SLIT2: variants seen among roughly 807,000 people sequenced by gnomAD.
SLIT2 encodes slit guidance ligand 2, also known as slit homolog 2 protein.
In SLIT2, 41 loss-of-function variants were observed where a neutral mutation model predicts 185.7. That is an observed-to-expected ratio of 0.22 (90% CI 0.17 to 0.29). The LOEUF (loss-of-function observed/expected upper bound fraction) is 0.29. SLIT2 is among the 10% of genes least tolerant of loss of function. The pLI, the probability that SLIT2 is intolerant of heterozygous loss-of-function variation, is 1.00. For synonymous variants in SLIT2, 693 were observed against 680.2 expected, an observed-to-expected ratio of 1.02 and a Z score of -0.29; for missense variants, 1,571 against 1,909.0, an observed-to-expected ratio of 0.82 and a Z score of 3.30.
chr4:20,257,405 C>G (rs1183387154), intron 2 of SLIT2, among the ~76,000 whole-genome samples: 1 of 151,968 alleles, frequency 6.6e-6, no homozygotes, highest in Non-Finnish European at 1.5e-5. Context: ...ACAGTTTTGA[C>G]CATTGTGCAT....
rs753550494 is a variant in SLIT2, at chr4:20,620,198, T to C, written c.*1189T>C. On this transcript the variant is annotated 3_prime_UTR_variant, in exon 37 of 37. Coordinates refer to ENST00000504154, the MANE Select transcript of SLIT2 (RefSeq NM_004787.4). ...AAAGTAGACCTTTTGCAAATTAATA[T>C]GTCCTTGACCTTTTTTGCCCTTTTG... The C allele has an allele frequency of 7.8e-4, 237 of 303,498 alleles. 2 individuals carry two copies. The highest frequency in any genetic ancestry group is 1.3e-3 in the Non-Finnish European group (211 of 156,766). 18.8% of individuals were successfully genotyped at this position (303,498 alleles called of 1,614,324 possible).
At chr4:20,330,511 G>C (rs1327818802) in intron 4 of SLIT2, among the ~76,000 whole-genome samples, 1 of 152,032 alleles carries the variant, frequency 6.6e-6, no homozygotes, top group Non-Finnish European at 1.5e-5. Context: ...AGTTTAGAGA[G>C]TTATAACTTA....
intron 4 of SLIT2, among the ~76,000 whole-genome samples, chr4:20,375,696 A>C (rs949700823): frequency 6.6e-6 from 1 of 151,922 alleles, no homozygotes. Flanking sequence ...ATATTTTAAT[A>C]TTTTTAACAA....
chr4:20,500,768 T>C (rs1324647342), intron 9 of SLIT2, among the ~76,000 whole-genome samples: 1 of 152,188 alleles, frequency 6.6e-6, no homozygotes, highest in Admixed American at 6.5e-5. Flanking sequence ...AGTGAAAACC[T>C]GGTTTGAGAT....
chr4:20,564,056 G>A (rs1285713262), intron 26 of SLIT2, among the ~76,000 whole-genome samples: 2 of 151,742 alleles, frequency 1.3e-5, no homozygotes, highest in South Asian at 2.1e-4. Context: ...TGGCTTGCTC[G>A]TGGAGAGGTG....
chr4:20,495,625 G>A (rs753314786), intron 9 of SLIT2, among the ~76,000 whole-genome samples: 3 of 152,084 alleles, frequency 2.0e-5, no homozygotes, highest in Non-Finnish European at 4.4e-5. Flanking sequence ...AATATGTCCC[G>A]TGGACTTTGC....
At chr4:20,511,680 G>A (rs972767918) in intron 11 of SLIT2, among the ~76,000 whole-genome samples, 2 of 147,762 alleles carry the variant, frequency 1.4e-5, no homozygotes, top group East Asian at 4.1e-4. Context: ...CGCCCGTCTC[G>A]GCCTCCCAAA....
chr4:20,466,489 T>G (rs1714367567), intron 4 of SLIT2, among the ~76,000 whole-genome samples: 1 of 151,722 alleles, frequency 6.6e-6, no homozygotes, highest in Admixed American at 6.6e-5. Flanking sequence ...CTAGTATTTA[T>G]TTTTTTTACG....
chr4:20,567,243 T>G lies in SLIT2; in HGVS notation c.2726-19T>G. On this transcript the variant is annotated intron_variant, in intron 26 of 36. Transcript: ENST00000504154. ...ACTGGAAGAGCGTCAGTTGCTTATA[T>G]TTTTGAATTAATTTTCAGGTCCTGT... 6.3e-7 allele frequency: 1 copy of G among 1,593,208 alleles called. No individual in the cohort carries two copies. Among genetic ancestry groups the G allele is most frequent in the Admixed American group, 1.8e-5 (1 of 54,706 alleles).
At chr4:20,493,741 A>G (rs1717991244) in intron 9 of SLIT2, among the ~76,000 whole-genome samples, 2 of 152,172 alleles carry the variant, frequency 1.3e-5, no homozygotes, top group Admixed American at 6.5e-5. Context: ...GAAATAATTA[A>G]CACACATAGA....
chr4:20,308,001 T>C (rs144826339), intron 4 of SLIT2, among the ~76,000 whole-genome samples: 232 of 152,314 alleles, frequency 1.5e-3, no homozygotes, highest in African/African-American at 5.3e-3. Context: ...CTACTGTCTT[T>C]GAAAGACTCA....
At chr4:20,544,971 G>C (rs935866427) in intron 21 of SLIT2, among the ~76,000 whole-genome samples, 4 of 152,064 alleles carry the variant, frequency 2.6e-5, no homozygotes, top group Non-Finnish European at 4.4e-5. Context: ...AGGTAGACAT[G>C]ATGAGTCATA....
At chr4:20,437,588 C>G (rs1257382308) in intron 4 of SLIT2, among the ~76,000 whole-genome samples, 2 of 152,106 alleles carry the variant, frequency 1.3e-5, no homozygotes, top group African/African-American at 2.4e-5. Flanking sequence ...GCATCCCAGC[C>G]TGGGTGACAG....
chr4:20,341,604 A>G (rs1422237653), intron 4 of SLIT2, among the ~76,000 whole-genome samples: 1 of 152,212 alleles, frequency 6.6e-6, no homozygotes, highest in Non-Finnish European at 1.5e-5. Context: ...TGATCATTTG[A>G]CAGAAGTAAT....
At chr4:20,289,479 A>T (rs1414941868) in intron 4 of SLIT2, among the ~76,000 whole-genome samples, 4 of 152,144 alleles carry the variant, frequency 2.6e-5, no homozygotes, top group Non-Finnish European at 5.9e-5. Context: ...AAATTTTTAC[A>T]TTATGAATCC....
chr4:20,380,642 G>C (rs190975192), intron 4 of SLIT2, among the ~76,000 whole-genome samples: 2 of 151,456 alleles, frequency 1.3e-5, no homozygotes, highest in African/African-American at 4.8e-5. Context: ...AAAATACACT[G>C]TATGTGAGCA....
At position 20,386,249 on chromosome 4, in the gene SLIT2, A is replaced by G. The variant is rs536728891; in HGVS notation, c.396-81503A>G. ...GATTAAAACTAGCCAATTAAAAGGAAGCAAGAGAATTGACAGCAGTGAGAA... is the reference window on the plus strand; with the variant it reads ...GATTAAAACTAGCCAATTAAAAGGAGGCAAGAGAATTGACAGCAGTGAGAA... On this transcript the variant is annotated intron_variant, in intron 4 of 36. Transcript: ENST00000504154. 5.7e-4 allele frequency among the ~76,000 whole-genome samples: 87 copies of G among 152,354 alleles called. No individual in the cohort carries two copies. In the South Asian group the frequency reaches 0.014, roughly 25 times the overall value.
intron 3 of SLIT2, among the ~76,000 whole-genome samples, chr4:20,260,324 T>C (rs1865759): frequency 0.67 from 100,909 of 151,532 alleles, 33,721 homozygotes; most frequent in East Asian, 0.81. Flanking sequence ...TGTAAATTTA[T>C]ATGGTTTTTA....
intron 29 of SLIT2, among the ~76,000 whole-genome samples, chr4:20,573,861 A>G (rs1006451021): frequency 4.6e-5 from 7 of 152,100 alleles, no homozygotes; most frequent in African/African-American, 1.7e-4. Context: ...AAAATGCCAT[A>G]TTTAATTATT....
Sources: gnomAD v4.1 joint callset for allele counts (sites outside exome capture counted in the v4.1 genomes callset) on GRCh38, gnomAD v4.1.1 for gene constraint, MANE v1.5 for transcripts, NCBI Gene and HGNC (gene_info 2026-07-23, HGNC 2026-07-21) for gene names.